Variants in RIBC1 observed in about 807,000 individuals in gnomAD.
RIBC1 encodes the protein RIB43A domain with coiled-coils 1.
In RIBC1, 12 loss-of-function variants were observed where a neutral mutation model predicts 33.7. The observed-to-expected ratio is 0.36, with a 90% CI of 0.23 to 0.58. The LOEUF (loss-of-function observed/expected upper bound fraction) is 0.58. Ranked by LOEUF, RIBC1 falls within the 20% of genes least tolerant of loss-of-function variation. RIBC1 has a pLI of 0.81. For missense variants in RIBC1, 242 were observed against 311.6 expected (o/e 0.78, Z 1.68); for synonymous variants, 89 against 109.0 (o/e 0.82, Z 1.14).
At chrX:53,429,733 C>T (rs1284654512) in intron 5 of RIBC1, 121 bp from the exon 6 acceptor site, 7 of 1,090,604 alleles carry the variant, frequency 6.4e-6, no homozygotes, top group Admixed American at 2.8e-5. Flanking sequence ...AACTCGGACA[C>T]TAACCCCCTC....
intron 2 of RIBC1, among the ~76,000 whole-genome samples, chrX:53,423,740 G>A (rs1371862841): frequency 1.8e-5 from 2 of 111,621 alleles, no homozygotes; most frequent in East Asian, 2.8e-4. Flanking sequence ...AATTATGTCC[G>A]AAGGCTAGAA....
In RIBC1 at chrX:53,426,261, C is replaced by T. The variant is rs782166703; in HGVS notation, c.1-16C>T. 4 of 1,128,775 alleles carry T rather than the reference C, an allele frequency of 3.5e-6. No individual in the cohort carries two copies. The highest frequency in any genetic ancestry group is 4.9e-6 in the Non-Finnish European group (4 of 820,484). The allele number at this position is 1,128,775 out of a possible 1,213,427, so 93.0% of individuals were successfully genotyped here. Reference sequence around the variant, plus strand: ...GGTCGGCACTGATGGGCCATTCCACCTCCCTTTTGCTCCAGATGTATAACA... The same window carrying T: ...GGTCGGCACTGATGGGCCATTCCACTTCCCTTTTGCTCCAGATGTATAACA... On this transcript the variant is annotated splice_polypyrimidine_tract_variant and intron_variant, in intron 2 of 7. Coordinates refer to ENST00000375327, the MANE Select transcript of RIBC1 (RefSeq NM_001031745.5).
At chrX:53,428,985 T>G (rs975242432) in intron 5 of RIBC1, 20 of 302,729 alleles carry the variant, frequency 6.6e-5, no homozygotes, top group Non-Finnish European at 9.6e-5. Flanking sequence ...GTAGCTACTA[T>G]TATGATATTG....
At position 53,430,792 on chromosome X, in the gene RIBC1, T is replaced by A; in HGVS notation, c.1058+2T>A. The stretch of plus-strand genomic sequence containing the variant: ...GCTGGCTAATGAGCAAAAAGCCCAG[T>A]GAGTTCTAGGTGGTAGTGGTGGAGA... On this transcript the variant is annotated splice_donor_variant, in intron 7 of 7. Transcript: ENST00000375327. LOFTEE classifies it high-confidence loss of function. 1 of 1,205,461 alleles carries A rather than the reference T, an allele frequency of 8.3e-7. No homozygotes were observed. The highest frequency in any genetic ancestry group is 1.1e-6 in the Non-Finnish European group (1 of 891,984).
At chrX:53,423,077 G>A (rs1255556541) in intron 1 of RIBC1, 73 bp downstream of exon 1, 2 of 172,449 alleles carry the variant, frequency 1.2e-5, no homozygotes, top group Admixed American at 1.5e-4. Flanking sequence ...GGAATTGGAA[G>A]GACCCGGGGG....
intron 5 of RIBC1, 157 bp from the exon 6 acceptor site, chrX:53,429,697 G>C: frequency 9.7e-7 from 1 of 1,034,539 alleles, no homozygotes; most frequent in Non-Finnish European, 1.2e-6. Context: ...CGTTGTTGCT[G>C]CACCTAGTTC....
At chrX:53,430,104 C>T in intron 6 of RIBC1, 132 bp downstream of exon 6, 1 of 549,426 alleles carries the variant, frequency 1.8e-6, no homozygotes, top group Admixed American at 3.5e-5. Context: ...AGTACTCCCC[C>T]TTCACTGAAG....
Position 53,430,315 on chromosome X carries a change from T to C in RIBC1, c.664-81T>C, listed in dbSNP as rs1258939100. ...GTTCTTTCTCCTTGAGATGGAAGAG[T>C]AGGGCCATGTTCCCCCCTCCCCTGT... On this transcript the variant is annotated intron_variant, in intron 6 of 7. Coordinates refer to ENST00000375327, the MANE Select transcript of RIBC1 (RefSeq NM_001031745.5). The C allele has an allele frequency of 1.7e-5, 13 of 779,842 alleles. No individual in the cohort carries two copies. The East Asian group carries it at 4.2e-4, about 25-fold the overall frequency. 64.3% of individuals were successfully genotyped at this position (779,842 alleles called of 1,213,427 possible).
intron 3 of RIBC1, 41 bp downstream of exon 3, chrX:53,426,434 C>T: frequency 1.1e-6 from 1 of 880,574 alleles, no homozygotes; most frequent in Non-Finnish European, 1.6e-6. Flanking sequence ...ATCAGGGCCA[C>T]CTCACTCTTA....
At chrX:53,423,974 C>T (rs782351031) in intron 2 of RIBC1, among the ~76,000 whole-genome samples, 3 of 111,159 alleles carry the variant, frequency 2.7e-5, no homozygotes, top group East Asian at 5.7e-4. Flanking sequence ...CCCAGGATGC[C>T]GAAGCAGGAG....
At position 53,430,505 on chromosome X, in the gene RIBC1, A is replaced by G; in HGVS notation, c.773A>G (p.Gln258Arg). 1.4e-5 allele frequency: 17 copies of G among 1,210,452 alleles called. No individual in the cohort carries two copies. The highest frequency in any genetic ancestry group is 1.9e-5 in the Non-Finnish European group (17 of 894,777). The part of the protein sequence containing the change: ...STSDLLTENP[Q>R]VAQHPMAPYR... ...AGTGACCTACTGACTGAAAACCCCC[A>G]GGTCGCCCAACACCCTATGGCTCCC... The change falls in exon 7 of 8, where the codon CAG (glutamine) becomes CGG (arginine). Residue 258 changes from glutamine (Q) to arginine (R), a missense_variant. Physicochemically the swap from Gln to Arg is conservative, Grantham distance 43. Coordinates refer to ENST00000375327, the MANE Select transcript of RIBC1 (RefSeq NM_001031745.5).
At position 53,429,575 on chromosome X, in the gene RIBC1, A is replaced by C. The variant is rs1170027242; in HGVS notation, c.545-279A>C. Reference sequence around the variant, plus strand: ...AACCCAGCACATGGCCCTTAGACTGAGATTCAGAGATATGAAATGATTTAC... The same window carrying C: ...AACCCAGCACATGGCCCTTAGACTGCGATTCAGAGATATGAAATGATTTAC... On this transcript the variant is annotated intron_variant, in intron 5 of 7. Coordinates refer to ENST00000375327, the MANE Select transcript of RIBC1 (RefSeq NM_001031745.5). 8.7e-6 allele frequency: 5 copies of C among 577,630 alleles called. 1 individual carries two copies. The African/African-American group carries it at 1.1e-4, about 13-fold the overall frequency. 47.6% of individuals were successfully genotyped at this position (577,630 alleles called of 1,213,427 possible). A position where few individuals can be genotyped will look rare whatever the true frequency, so the allele number is the denominator to read the frequency against.
At chrX:53,430,320 C>A in intron 6 of RIBC1, 76 bp from the exon 7 acceptor site, 1 of 832,445 alleles carries the variant, frequency 1.2e-6, no homozygotes, top group Non-Finnish European at 1.7e-6. Context: ...AAGAGTAGGG[C>A]CATGTTCCCC....
chrX:53,423,002 A>T lies in RIBC1; in HGVS notation c.-92A>T. On this transcript the variant is annotated splice_region_variant and 5_prime_UTR_variant, in exon 1 of 8. Transcript: ENST00000375327. ...GGATTATGCCCCTCAGGGCAAGAGG[A>T]AGGTGGGAGCTCGGCTGTGGCTTTA... is the stretch of plus-strand genomic sequence containing the variant. The T allele has an allele frequency of 4.3e-6, 1 of 233,405 alleles. No individual in the cohort carries two copies. The highest frequency in any genetic ancestry group is 8.0e-6 in the Non-Finnish European group (1 of 124,679). 19.2% of individuals were successfully genotyped at this position (233,405 alleles called of 1,213,427 possible). A position where few individuals can be genotyped will look rare whatever the true frequency, so the allele number is the denominator to read the frequency against.
chrX:53,427,049 GAC>G (rs1384610969), intron 3 of RIBC1, among the ~76,000 whole-genome samples: 2 of 112,415 alleles, frequency 1.8e-5, no homozygotes, highest in Admixed American at 1.9e-4. Flanking sequence ...CAGGCTGAGA[GAC>G]AGAGATGGAA....
chrX:53,429,455 A>T (rs1190178709), intron 5 of RIBC1: 1 of 140,155 alleles, frequency 7.1e-6, no homozygotes, highest in African/African-American at 3.1e-5. Context: ...CATCCCTGCC[A>T]TTGCTCTTGC....
intron 5 of RIBC1, 50 bp from the exon 6 acceptor site, chrX:53,429,804 C>A (rs1556893847): frequency 8.6e-7 from 1 of 1,168,332 alleles, no homozygotes; most frequent in African/African-American, 1.8e-5. Context: ...ATGAGTGAAA[C>A]AGGAATGGAG....
At position 53,431,080 on chromosome X, in the gene RIBC1, C is replaced by A; in HGVS notation, c.*92C>A. ...GAAAAATGCTGCATACTCCCACCTTCTAACCTAGGTAATAAAGTTCTGCAC... is the reference window on the plus strand; with the variant it reads ...GAAAAATGCTGCATACTCCCACCTTATAACCTAGGTAATAAAGTTCTGCAC... On this transcript the variant is annotated 3_prime_UTR_variant, in exon 8 of 8. Transcript: ENST00000375327. The A allele has an allele frequency of 8.6e-7, 1 of 1,158,342 alleles. No individual in the cohort carries two copies. The highest frequency in any genetic ancestry group is 1.2e-6 in the Non-Finnish European group (1 of 855,667).
intron 2 of RIBC1, among the ~76,000 whole-genome samples, chrX:53,425,535 A>G (rs1305549690): frequency 1.9e-5 from 2 of 107,975 alleles, no homozygotes; most frequent in Admixed American, 2.0e-4. Context: ...AAAAAAAAAA[A>G]AAAAAAGGGT....
Sources: allele counts gnomAD v4.1 joint callset (sites outside exome capture counted in the v4.1 genomes callset), GRCh38; gene constraint gnomAD v4.1.1; transcripts MANE v1.5; gene names NCBI Gene and HGNC (gene_info 2026-07-23, HGNC 2026-07-21).